Variants in CCSER1 observed in about 807,000 individuals in gnomAD.
The protein encoded by CCSER1 is serine-rich coiled-coil domain-containing protein 1.
CCSER1 carries 41 observed loss-of-function variants against 82.0 expected under a neutral mutation model. The ratio of observed to expected loss-of-function variants is 0.50; its 90% CI spans 0.39 to 0.65. The LOEUF is 0.65. CCSER1 is among the 30% of genes least tolerant of loss of function. CCSER1 has a pLI of 0.00. For synonymous variants in CCSER1, 414 were observed against 383.9 expected (o/e 1.08, Z -0.92); for missense variants, 1,119 against 1,064.2 (o/e 1.05, Z -0.72).
chr4:91,127,780 C>T (rs189349616), intron 10 of CCSER1, among the ~76,000 whole-genome samples: 1 of 152,162 alleles, frequency 6.6e-6, no homozygotes, highest in African/African-American at 2.4e-5. Context: ...GAATTAGGCA[C>T]ATTTATTTGG....
chr4:90,147,991 C>T (rs917984435), intron 1 of CCSER1, among the ~76,000 whole-genome samples: 3 of 152,126 alleles, frequency 2.0e-5, no homozygotes, highest in Non-Finnish European at 2.9e-5. Context: ...ATGGCAAAAC[C>T]CTGTTTCTAC....
chr4:90,892,486 T>C (rs1057230782), intron 8 of CCSER1, among the ~76,000 whole-genome samples: 1 of 152,126 alleles, frequency 6.6e-6, no homozygotes, highest in East Asian at 1.9e-4. Context: ...TTATCAATTA[T>C]TTTATTTTCC....
At chr4:91,160,332 T>C (rs1731258476) in intron 10 of CCSER1, among the ~76,000 whole-genome samples, 1 of 152,192 alleles carries the variant, frequency 6.6e-6, no homozygotes, top group Non-Finnish European at 1.5e-5. Flanking sequence ...TTTTTGCTAT[T>C]GTGAATAGTG....
chr4:90,664,887 TG>T (rs2149113080), intron 6 of CCSER1, among the ~76,000 whole-genome samples: 1 of 152,258 alleles, frequency 6.6e-6, no homozygotes, highest in African/African-American at 2.4e-5. Flanking sequence ...GCAATAAGAA[TG>T]AAACTCTGTC....
chr4:90,754,866 C>T (rs1201178278), intron 7 of CCSER1, among the ~76,000 whole-genome samples: 1 of 152,132 alleles, frequency 6.6e-6, no homozygotes, highest in Admixed American at 6.6e-5. Context: ...GGTAGGCAGT[C>T]TGGAGAGCAT....
rs555872763 is a variant in CCSER1 at position 90,165,899 on chromosome 4, C to T, written c.-42+38068C>T. 7.9e-5 allele frequency among the ~76,000 whole-genome samples: 12 copies of T among 152,072 alleles called. No homozygotes were observed. The South Asian group carries it at 2.5e-3, about 32-fold the overall frequency. On this transcript the variant is annotated intron_variant, in intron 1 of 10. Transcript: ENST00000509176. The stretch of plus-strand genomic sequence containing the variant: ...GAGTGAAACCAGAGGATCATTACTT[C>T]AGTAATAAAATCTCTAGGGAAAACT...
At chr4:90,234,655 C>T (rs954195906) in intron 1 of CCSER1, among the ~76,000 whole-genome samples, 13 of 152,078 alleles carry the variant, frequency 8.5e-5, no homozygotes, top group African/African-American at 3.1e-4. Flanking sequence ...ATTATTGAGT[C>T]CCTATTATCT....
chr4:90,755,403 C>A (rs1749349647), intron 7 of CCSER1, among the ~76,000 whole-genome samples: 1 of 152,164 alleles, frequency 6.6e-6, no homozygotes, highest in East Asian at 1.9e-4. Context: ...CCTGCCATCC[C>A]ATCTAGCAGT....
chr4:90,494,194 C>G (rs968251582), intron 5 of CCSER1, among the ~76,000 whole-genome samples: 4 of 152,168 alleles, frequency 2.6e-5, no homozygotes, highest in African/African-American at 9.7e-5. Flanking sequence ...GTAAAGGGAT[C>G]AATTCCACAA....
intron 8 of CCSER1, among the ~76,000 whole-genome samples, chr4:90,890,993 T>G (rs1722879585): frequency 6.6e-6 from 1 of 152,088 alleles, no homozygotes; most frequent in Admixed American, 6.6e-5. Context: ...AGACTATAGT[T>G]ACATTACATA....
intron 6 of CCSER1, among the ~76,000 whole-genome samples, chr4:90,721,085 T>G (rs1742595761): frequency 6.6e-6 from 1 of 151,954 alleles, no homozygotes; most frequent in African/African-American, 2.4e-5. Context: ...ATATGCTCAG[T>G]AAATTCTTGT....
At chr4:91,406,511 C>T (rs1042948335) in intron 10 of CCSER1, among the ~76,000 whole-genome samples, 1 of 152,020 alleles carries the variant, frequency 6.6e-6, no homozygotes, top group Non-Finnish European at 1.5e-5. Flanking sequence ...TATTCCTTAC[C>T]ACTGGGACTC....
At chr4:91,390,219 AAG>A (rs1751564926) in intron 10 of CCSER1, among the ~76,000 whole-genome samples, 1 of 151,900 alleles carries the variant, frequency 6.6e-6, no homozygotes. Context: ...CTTTTTTGAT[AAG>A]AGTTTTTTTT....
chr4:91,008,599 C>A (rs1228765706), intron 9 of CCSER1, among the ~76,000 whole-genome samples: 1 of 152,134 alleles, frequency 6.6e-6, no homozygotes. Flanking sequence ...GGCCTTGAGG[C>A]TAAAATGGGT....
At chr4:91,029,785 T>TAA (rs1740811079) in intron 9 of CCSER1, among the ~76,000 whole-genome samples, 1 of 152,058 alleles carries the variant, frequency 6.6e-6, no homozygotes, top group Admixed American at 6.6e-5. Flanking sequence ...TTAAATCAAT[T>TAA]AATATATATA....
intron 10 of CCSER1, among the ~76,000 whole-genome samples, chr4:91,333,371 G>A (rs1578209938): frequency 6.6e-6 from 1 of 151,960 alleles, no homozygotes; most frequent in African/African-American, 2.4e-5. Context: ...CAACTTATTT[G>A]CTGAGAAAAG....
At chr4:91,363,678 A>C (rs1340395649) in intron 10 of CCSER1, among the ~76,000 whole-genome samples, 1 of 151,754 alleles carries the variant, frequency 6.6e-6, no homozygotes, top group African/African-American at 2.4e-5. Flanking sequence ...CAAGTCTTGA[A>C]AGATATTTGC....
chr4:90,266,518 C>T (rs368637204), intron 1 of CCSER1, among the ~76,000 whole-genome samples: 6 of 151,814 alleles, frequency 4.0e-5, no homozygotes, highest in African/African-American at 1.5e-4. Context: ...ATCAGGTTAA[C>T]CATCCTAGTA....
intron 5 of CCSER1, among the ~76,000 whole-genome samples, chr4:90,589,841 TAAC>T (rs1782483563): frequency 6.6e-6 from 1 of 152,238 alleles, no homozygotes; most frequent in Admixed American, 6.5e-5. Flanking sequence ...GAAATGTAGT[TAAC>T]AAAGGATATT....
Sources: allele counts gnomAD v4.1 joint callset (sites outside exome capture counted in the v4.1 genomes callset), GRCh38; gene constraint gnomAD v4.1.1; transcripts MANE v1.5; gene names NCBI Gene and HGNC (gene_info 2026-07-23, HGNC 2026-07-21).